Variants in G2E3 observed in about 807,000 individuals in gnomAD.
The protein encoded by G2E3 is G2/M phase-specific E3 ubiquitin-protein ligase.
A neutral mutation model predicts 92.8 loss-of-function variants in G2E3; 35 were observed. The observed-to-expected ratio is 0.38, with a 90% confidence interval of 0.29 to 0.50. G2E3 has a LOEUF of 0.50. G2E3 is among the 20% of genes least tolerant of loss of function. The pLI is 0.94. For synonymous variants in G2E3, 242 were observed against 272.4 expected (o/e 0.89, Z 1.10); for missense variants, 554 against 823.8 (o/e 0.67, Z 4.01).
intron 1 of G2E3, among the ~76,000 whole-genome samples, chr14:30,566,803 T>A (rs145113929): frequency 6.6e-6 from 1 of 152,222 alleles, no homozygotes; most frequent in Non-Finnish European, 1.5e-5. Context: ...GTGCAGTCTT[T>A]CACTGATAAT....
intron 12 of G2E3, among the ~76,000 whole-genome samples, chr14:30,610,397 C>G (rs538560228): frequency 6.6e-6 from 1 of 152,186 alleles, no homozygotes; most frequent in South Asian, 2.1e-4. Flanking sequence ...GGTGGATCAC[C>G]GGGGTCAGCA....
Position 30,573,093 on chromosome 14 carries a change from A to G in G2E3, c.-4-7983A>G, listed in dbSNP as rs140045685. On this transcript the variant is annotated intron_variant, in intron 1 of 14. Transcript: ENST00000206595. The stretch of plus-strand genomic sequence containing the variant: ...AGCAATCCTCCTGCTTCAGCCTTTC[A>G]AGTAGCTGGGACTACAGGTGCATAA... Among the ~76,000 whole-genome samples the G allele has an allele frequency of 1.5e-3, 233 of 152,134 alleles. 1 individual carries two copies. The highest frequency in any genetic ancestry group is 3.4e-3 in the Middle Eastern group (1 of 294).
chr14:30,599,321 G>A (rs924185126), intron 8 of G2E3, among the ~76,000 whole-genome samples: 4 of 152,064 alleles, frequency 2.6e-5, no homozygotes, highest in Non-Finnish European at 4.4e-5. Context: ...TCTGCCTCCC[G>A]GGTTCAAGCA....
intron 2 of G2E3, among the ~76,000 whole-genome samples, chr14:30,582,674 T>C (rs7359107): frequency 0.057 from 8,749 of 152,212 alleles, 818 homozygotes; most frequent in African/African-American, 0.2. Context: ...AGCTTACTGG[T>C]GTAGAATGTC....
At chr14:30,560,802 C>G (rs995272609) in intron 1 of G2E3, 1 of 702,072 alleles carries the variant, frequency 1.4e-6, no homozygotes, top group Non-Finnish European at 2.6e-6. Flanking sequence ...ATCAGTAGGT[C>G]TGGAGGATGG....
chr14:30,597,388 A>G (rs1881341454), intron 6 of G2E3, 32 bp from the exon 7 acceptor site: 4 of 1,033,674 alleles, frequency 3.9e-6, no homozygotes, highest in Non-Finnish European at 6.1e-6. Flanking sequence ...GATTTAAATC[A>G]TTAACAGTAG....
At chr14:30,607,607 C>G (rs1298493717) in intron 11 of G2E3, among the ~76,000 whole-genome samples, 2 of 152,070 alleles carry the variant, frequency 1.3e-5, no homozygotes, top group Non-Finnish European at 1.5e-5. Context: ...ACCACAACAT[C>G]CTTATATGGT....
chr14:30,570,738 T>C (rs1316217580), intron 1 of G2E3, among the ~76,000 whole-genome samples: 2 of 152,142 alleles, frequency 1.3e-5, no homozygotes, highest in East Asian at 3.8e-4. Context: ...ACATTGTTGA[T>C]TGTGAGTTTT....
chr14:30,604,555 T>C (rs1354749671), intron 10 of G2E3, among the ~76,000 whole-genome samples: 1 of 152,148 alleles, frequency 6.6e-6, no homozygotes, highest in Non-Finnish European at 1.5e-5. Flanking sequence ...GGCTCAGTAA[T>C]TTGCATTTCT....
chr14:30,589,330 A>G (rs1880882933), intron 3 of G2E3, 53 bp from the exon 4 acceptor site: 1 of 1,004,728 alleles, frequency 1.0e-6, no homozygotes, highest in Admixed American at 1.9e-5. Flanking sequence ...ATATTTTTTT[A>G]ATGCCCAACT....
intron 13 of G2E3, among the ~76,000 whole-genome samples, chr14:30,614,066 A>C (rs576968054): frequency 6.6e-6 from 1 of 152,058 alleles, no homozygotes; most frequent in South Asian, 2.1e-4. Context: ...AAAATGTTTT[A>C]TATAGTTCCA....
At chr14:30,602,942 GT>G (rs1244262725) in intron 10 of G2E3, 33 of 152,114 alleles carry the variant, frequency 2.2e-4, no homozygotes, top group African/African-American at 7.5e-4. Flanking sequence ...TTGTTTGCCT[GT>G]TTACTGTCAA....
intron 13 of G2E3, among the ~76,000 whole-genome samples, chr14:30,614,643 T>G (rs1882234553): frequency 6.6e-6 from 1 of 152,250 alleles, no homozygotes; most frequent in African/African-American, 2.4e-5. Context: ...ATTCTGCTCC[T>G]GGCACTCTAA....
intron 1 of G2E3, among the ~76,000 whole-genome samples, chr14:30,566,946 C>T (rs1311043524): frequency 7.2e-5 from 11 of 152,068 alleles, no homozygotes; most frequent in Admixed American, 7.2e-4. Context: ...GAGCATGTGA[C>T]CTTTTCCTTT....
chr14:30,559,738 C>T (rs550649712), intron 1 of G2E3: 1 of 152,184 alleles, frequency 6.6e-6, no homozygotes, highest in African/African-American at 2.4e-5. Context: ...GCTCCGCGTT[C>T]CTCCTGAGAG....
intron 8 of G2E3, among the ~76,000 whole-genome samples, chr14:30,599,480 G>A (rs1011869794): frequency 6.6e-6 from 1 of 152,150 alleles, no homozygotes; most frequent in African/African-American, 2.4e-5. Context: ...GCCCGCCTCG[G>A]CCTCCCAAAG....
At chr14:30,577,109 C>G (rs1329210965) in intron 1 of G2E3, among the ~76,000 whole-genome samples, 1 of 151,186 alleles carries the variant, frequency 6.6e-6, no homozygotes. Context: ...CCTGTAGTCC[C>G]AGCTACTCGG....
intron 1 of G2E3, among the ~76,000 whole-genome samples, chr14:30,561,216 A>T (rs1381866647): frequency 6.6e-6 from 1 of 152,248 alleles, no homozygotes; most frequent in Admixed American, 6.5e-5. Flanking sequence ...TGAGGTAGTT[A>T]CTATCTTCAA....
intron 1 of G2E3, among the ~76,000 whole-genome samples, chr14:30,570,497 A>G (rs537326788): frequency 5.3e-5 from 8 of 152,140 alleles, no homozygotes; most frequent in African/African-American, 1.9e-4. Context: ...ATGGTGTCTC[A>G]TAGTCTCTTG....
Sources: gnomAD v4.1 joint callset for allele counts (sites outside exome capture counted in the v4.1 genomes callset) on GRCh38, gnomAD v4.1.1 for gene constraint, MANE v1.5 for transcripts, NCBI Gene and HGNC (gene_info 2026-07-23, HGNC 2026-07-21) for gene names.